ABCB5: variants seen among roughly 807,000 people sequenced by gnomAD.
The protein encoded by ABCB5 is ATP binding cassette subfamily B member 5, also known as ATP-binding cassette sub-family B member 5.
In ABCB5, 155 loss-of-function variants were observed where a neutral mutation model predicts 144.2. The observed-to-expected ratio is 1.08, with a 90% CI of 0.94 to 1.23. The LOEUF (loss-of-function observed/expected upper bound fraction) is 1.23. Ranked by LOEUF, ABCB5 falls within the 50% of genes most tolerant of loss-of-function variation. The pLI is 0.00. For missense variants in ABCB5, 1,830 were observed against 1,520.8 expected, an observed-to-expected ratio of 1.20 and a Z score of -3.38; for synonymous variants, 610 against 528.6, an observed-to-expected ratio of 1.15 and a Z score of -2.11.
At chr7:20,711,809 T>C (rs1787058165) in intron 20 of ABCB5, among the ~76,000 whole-genome samples, 2 of 48,176 alleles carry the variant, frequency 4.2e-5, no homozygotes, top group Admixed American at 2.7e-4. Flanking sequence ...TCTTTCTTTC[T>C]TTCTTTCTTT....
chr7:20,632,000 TA>T (rs1784050334), intron 4 of ABCB5, 58 bp from the exon 5 acceptor site: 1 of 1,179,726 alleles, frequency 8.5e-7, no homozygotes, highest in South Asian at 1.6e-5. Flanking sequence ...GCTATCTGTG[TA>T]ACAGTGTGAC....
intron 5 of ABCB5, among the ~76,000 whole-genome samples, chr7:20,640,032 A>T (rs966977235): frequency 6.6e-6 from 1 of 152,064 alleles, no homozygotes; most frequent in African/African-American, 2.4e-5. Context: ...TTCTCCTAAT[A>T]ATGTGTTGTG....
At position 20,712,158 on chromosome 7, in the gene ABCB5, C is replaced by CAAAAAAAAAAAAAA. The variant is rs34938819; in HGVS notation, c.2421+7362_2421+7375dup. On this transcript the variant is annotated intron_variant, in intron 20 of 27. Transcript: ENST00000404938. ...CCTGGGTGACACAGCAAGACGCCGT[C>CAAAAAAAAAAAAAA]AAAAAAAAAAAAAAAAAAAAAAAAG... Among the ~76,000 whole-genome samples, 16 of 52,642 alleles carry CAAAAAAAAAAAAAA rather than the reference C, an allele frequency of 3.0e-4. 2 individuals are homozygous for CAAAAAAAAAAAAAA. Among genetic ancestry groups the CAAAAAAAAAAAAAA allele is most frequent in the African/African-American group, 1.3e-3 (16 of 12,224 alleles). 34.5% of individuals were successfully genotyped at this position (52,642 alleles called of 152,430 possible).
intron 14 of ABCB5, among the ~76,000 whole-genome samples, chr7:20,669,425 T>C (rs1335690636): frequency 7.0e-6 from 1 of 141,962 alleles, no homozygotes; most frequent in East Asian, 2.1e-4. Flanking sequence ...TCTGTGACCT[T>C]ATCCCCAACC....
At chr7:20,623,091 A>C (rs1783834367) in intron 1 of ABCB5, among the ~76,000 whole-genome samples, 174 bp from the exon 2 acceptor site, 1 of 152,170 alleles carries the variant, frequency 6.6e-6, no homozygotes, top group African/African-American at 2.4e-5. Context: ...CAAAATTTGA[A>C]TCTATGAACT....
chr7:20,718,791 T>C (rs1278861471), intron 20 of ABCB5, among the ~76,000 whole-genome samples: 1 of 152,190 alleles, frequency 6.6e-6, no homozygotes, highest in East Asian at 1.9e-4. Context: ...TATAATCATT[T>C]ATTTTGACTC....
chr7:20,650,666 T>C (rs1784556382), intron 12 of ABCB5, among the ~76,000 whole-genome samples: 2 of 152,124 alleles, frequency 1.3e-5, no homozygotes, highest in African/African-American at 4.8e-5. Context: ...AAGTGATTAA[T>C]TCTTAATGCT....
At chr7:20,651,672 C>A in intron 13 of ABCB5, 49 bp downstream of exon 13, 2 of 1,564,720 alleles carry the variant, frequency 1.3e-6, no homozygotes, top group Non-Finnish European at 8.8e-7. Flanking sequence ...GGCAGCGCTG[C>A]GACATTCCAA....
chr7:20,690,063 A>G (rs1382854982), intron 16 of ABCB5, among the ~76,000 whole-genome samples: 1 of 152,212 alleles, frequency 6.6e-6, no homozygotes, highest in South Asian at 2.1e-4. Context: ...GTTTTTAAAC[A>G]GTGGTTCATG....
chr7:20,619,816 C>T (rs1017457135), intron 1 of ABCB5, among the ~76,000 whole-genome samples: 49 of 152,164 alleles, frequency 3.2e-4, no homozygotes, highest in African/African-American at 1.1e-3. Flanking sequence ...TCAGGTTTTA[C>T]ATTTAAATCT....
intron 5 of ABCB5, among the ~76,000 whole-genome samples, chr7:20,633,408 C>A (rs1410465358): frequency 6.6e-6 from 1 of 152,074 alleles, no homozygotes; most frequent in African/African-American, 2.4e-5. Context: ...AATGAAGACA[C>A]CATCTTGTCA....
In ABCB5 at chr7:20,643,270, G is replaced by C; in HGVS notation, c.401G>C (p.Arg134Pro). The change falls in exon 6 of 28, where the codon CGA becomes CCA. Residue 134 changes from arginine to proline, a missense_variant. Physicochemically the swap from Arg to Pro is moderately radical, Grantham distance 103. Coordinates refer to ENST00000404938, the MANE Select transcript of ABCB5 (RefSeq NM_001163941.2). ...TCCTTGTGGATTATAACTGCAGCAC[G>C]ACAGACCAAGAGGATTCGAAAACAG... ...QISLWIITAA[R>P]QTKRIRKQFF... The C allele has an allele frequency of 6.2e-7, 1 of 1,613,814 alleles. No individual in the cohort carries two copies. Among genetic ancestry groups the C allele is most frequent in the Non-Finnish European group, 8.5e-7 (1 of 1,179,816 alleles).
At chr7:20,627,946 T>C (rs1783945792) in intron 3 of ABCB5, among the ~76,000 whole-genome samples, 1 of 152,212 alleles carries the variant, frequency 6.6e-6, no homozygotes, top group African/African-American at 2.4e-5. Flanking sequence ...TTCTGATTCA[T>C]ACCCACATCT....
At chr7:20,728,564 A>T (rs1303512132) in intron 23 of ABCB5, 109 bp downstream of exon 23, 1 of 1,267,524 alleles carries the variant, frequency 7.9e-7, no homozygotes, top group Non-Finnish European at 1.1e-6. Context: ...GATCAGCCTG[A>T]CCAACATAAT....
At chr7:20,653,020 C>T (rs1784652853) in intron 13 of ABCB5, among the ~76,000 whole-genome samples, 1 of 152,178 alleles carries the variant, frequency 6.6e-6, no homozygotes, top group Non-Finnish European at 1.5e-5. Context: ...CCAAAAAAAT[C>T]ATTAAAGATT....
intron 14 of ABCB5, chr7:20,666,716 G>A (rs764047693): frequency 1.0e-5 from 16 of 1,589,250 alleles, no homozygotes; most frequent in Admixed American, 1.8e-5. Context: ...TGTGAAGTAG[G>A]ATAGGAGATA....
intron 26 of ABCB5, among the ~76,000 whole-genome samples, chr7:20,752,767 A>T (rs985395197): frequency 2.6e-5 from 4 of 152,210 alleles, no homozygotes; most frequent in African/African-American, 7.2e-5. Flanking sequence ...AATCGCTTGA[A>T]GCCGGGAGGC....
intron 20 of ABCB5, among the ~76,000 whole-genome samples, chr7:20,720,488 C>G (rs541857711): frequency 6.6e-6 from 1 of 152,008 alleles, no homozygotes; most frequent in Non-Finnish European, 1.5e-5. Context: ...ATCAAAACTG[C>G]GTGCCACTTG....
At chr7:20,669,391 T>A (rs1232773106) in intron 14 of ABCB5, among the ~76,000 whole-genome samples, 9 of 144,412 alleles carry the variant, frequency 6.2e-5, no homozygotes, top group African/African-American at 2.1e-4. Context: ...TAAGAAAAAT[T>A]CTTCTGCCTT....
Sources: allele counts gnomAD v4.1 joint callset (sites outside exome capture counted in the v4.1 genomes callset), GRCh38; gene constraint gnomAD v4.1.1; transcripts MANE v1.5; gene names NCBI Gene and HGNC (gene_info 2026-07-23, HGNC 2026-07-21).